The following ABHD18 variants were observed in gnomAD, a reference collection of about 807,000 sequenced individuals.
The protein encoded by ABHD18 is cardiolipin-specific deacylase, mitochondrial.
In ABHD18, 55 loss-of-function variants were observed where a neutral mutation model predicts 65.9. The observed-to-expected ratio is 0.84, with a 90% confidence interval of 0.67 to 1.05. The LOEUF (loss-of-function observed/expected upper bound fraction) is 1.05. Among genes scored for constraint, ABHD18 ranks in the 50% least tolerant of loss-of-function variants. The pLI is 0.00. For missense variants in ABHD18, 533 were observed against 558.5 expected (o/e 0.95, Z 0.46); for synonymous variants, 181 against 180.2 (o/e 1.00, Z -0.04).
At chr4:128,015,065 G>A (rs114564423) in intron 7 of ABHD18, among the ~76,000 whole-genome samples, 109 of 146,526 alleles carry the variant, frequency 7.4e-4, no homozygotes, top group African/African-American at 2.5e-3. Flanking sequence ...TGACAAGCGC[G>A]AAACTCCATC....
chr4:128,018,385 A>G (rs957607934), intron 8 of ABHD18, among the ~76,000 whole-genome samples: 7 of 152,170 alleles, frequency 4.6e-5, no homozygotes, highest in African/African-American at 1.7e-4. Flanking sequence ...TGCTGGGATT[A>G]TAGGTGTGGG....
intron 1 of ABHD18, among the ~76,000 whole-genome samples, chr4:127,976,126 T>C (rs931400200): frequency 4.6e-5 from 7 of 152,172 alleles, no homozygotes; most frequent in Middle Eastern, 3.4e-3. Context: ...CCTGTAATTT[T>C]AATCTAGTGA....
Position 127,982,931 on chromosome 4 carries a change from T to G in ABHD18, c.-17-8T>G. The G allele has an allele frequency of 1.4e-6, 2 of 1,446,154 alleles. No homozygotes were observed. Among genetic ancestry groups the G allele is most frequent in the Non-Finnish European group, 1.9e-6 (2 of 1,080,142 alleles). 89.6% of individuals were successfully genotyped at this position (1,446,154 alleles called of 1,614,324 possible). A position where few individuals can be genotyped will look rare whatever the true frequency, so the allele number is the denominator to read the frequency against. On this transcript the variant is annotated splice_region_variant and splice_polypyrimidine_tract_variant and intron_variant, in intron 1 of 12. Coordinates refer to ENST00000645843, the MANE Select transcript of ABHD18 (RefSeq NM_001358451.3). ...TATTTTAAAGCCATTTTAAATTTTGTTTTATAGATGCTTGTTTGCTACTGA... is the reference window on the plus strand; with the variant it reads ...TATTTTAAAGCCATTTTAAATTTTGGTTTATAGATGCTTGTTTGCTACTGA...
At position 128,020,295 on chromosome 4, in the gene ABHD18, C is replaced by T. The variant is rs112845079; in HGVS notation, c.699+126C>T. ...AGAATTATAGGACTCAGGATATAGTCGTAATCATGATTAAGCCTTAACTAC... is the reference window on the plus strand; with the variant it reads ...AGAATTATAGGACTCAGGATATAGTTGTAATCATGATTAAGCCTTAACTAC... On this transcript the variant is annotated intron_variant, in intron 9 of 12. Transcript: ENST00000645843. 5.5e-4 allele frequency: 363 copies of T among 664,658 alleles called. 3 individuals carry two copies. In the African/African-American group the frequency reaches 5.9e-3, roughly 11 times the overall value. The allele number at this position is 664,658 out of a possible 1,614,324, so 41.2% of individuals were successfully genotyped here.
chr4:127,989,623 G>T lies in ABHD18; in HGVS notation c.178-98G>T, dbSNP rs1750586975. 5.5e-6 allele frequency: 4 copies of T among 724,356 alleles called. No individual in the cohort carries two copies. In the Middle Eastern group the frequency reaches 1.3e-3, roughly 237 times the overall value. 44.9% of individuals were successfully genotyped at this position (724,356 alleles called of 1,614,324 possible). On this transcript the variant is annotated intron_variant, in intron 3 of 12. Transcript: ENST00000645843. ...TTTACATAGTAGGTGCTGAAAACAT[G>T]ATTTTAATTGGATAGAACTTTTTAT...
Position 128,009,138 on chromosome 4 carries a change from G to A in ABHD18, c.389G>A (p.Arg130His), listed in dbSNP as rs762996383. The change falls in exon 6 of 13, where the codon CGT becomes CAT. Residue 130 changes from arginine to histidine, a missense_variant. Coordinates refer to ENST00000645843, the MANE Select transcript of ABHD18 (RefSeq NM_001358451.3). ...HYWRRRTLMA[R>H]PMIKEARMAS... Reference sequence around the variant, plus strand: ...TGGAGGCGACGAACACTAATGGCCCGTCCTATGATTAAAGAAGCCCGAATG... The same window carrying A: ...TGGAGGCGACGAACACTAATGGCCCATCCTATGATTAAAGAAGCCCGAATG... 4.1e-5 allele frequency: 63 copies of A among 1,539,468 alleles called. No individual in the cohort carries two copies. Among genetic ancestry groups the A allele is most frequent in the Middle Eastern group, 1.7e-4 (1 of 5,898 alleles).
chr4:127,984,721 A>G lies in ABHD18; in HGVS notation c.177+298A>G, dbSNP rs1304063789. On this transcript the variant is annotated intron_variant, in intron 3 of 12. Transcript: ENST00000645843. ...AAAAAAAATACAAAATTAGCCGGGC[A>G]TGGTGGCACATGCCTGTAATCCCAG... is the stretch of plus-strand genomic sequence containing the variant. 2.0e-5 allele frequency among the ~76,000 whole-genome samples: 3 copies of G among 152,050 alleles called. No homozygotes were observed. The East Asian group carries it at 5.8e-4, about 29-fold the overall frequency.
intron 12 of ABHD18, chr4:128,031,115 G>A (rs2149195359): frequency 1.0e-6 from 1 of 988,898 alleles, no homozygotes; most frequent in Non-Finnish European, 1.2e-6. Context: ...TGCTTTTAAT[G>A]TGAACAACCT....
chr4:127,981,719 CTG>C (rs887209481), intron 1 of ABHD18, among the ~76,000 whole-genome samples: 1 of 152,044 alleles, frequency 6.6e-6, no homozygotes, highest in African/African-American at 2.4e-5. Flanking sequence ...TATAATAAAA[CTG>C]TATATGCAAT....
intron 7 of ABHD18, among the ~76,000 whole-genome samples, chr4:128,015,950 CTTT>C (rs938616932): frequency 3.1e-5 from 4 of 130,732 alleles, no homozygotes; most frequent in Non-Finnish European, 1.6e-5. Context: ...TATTTAAATA[CTTT>C]TTTTTTTTTT....
chr4:128,013,491 G>A (rs1754932304), intron 7 of ABHD18, among the ~76,000 whole-genome samples: 1 of 152,142 alleles, frequency 6.6e-6, no homozygotes, highest in Admixed American at 6.6e-5. Context: ...ACAAGGTCAG[G>A]AGATTGAGAC....
intron 1 of ABHD18, among the ~76,000 whole-genome samples, chr4:127,973,024 T>G (rs1468934323): frequency 6.6e-6 from 1 of 152,154 alleles, no homozygotes; most frequent in Non-Finnish European, 1.5e-5. Context: ...TCCTTTCTTT[T>G]CTTTTCTTAG....
chr4:128,028,624 T>A lies in ABHD18; in HGVS notation c.951T>A (p.Ser317=), dbSNP rs1757730811. 1.2e-6 allele frequency: 2 copies of A among 1,613,912 alleles called. No individual in the cohort carries two copies. The highest frequency in any genetic ancestry group is 3.3e-5 in the Admixed American group (2 of 60,002). The change falls in exon 11 of 13, where the codon TCT becomes TCA. Residue 317 remains serine (S), a synonymous_variant. Coordinates refer to ENST00000645843, the MANE Select transcript of ABHD18 (RefSeq NM_001358451.3). The part of the protein sequence containing the change: ...VSQKPADCHN[S]SKTSVSATSE... The stretch of plus-strand genomic sequence containing the variant: ...AAAAACCTGCTGACTGCCATAATTC[T>A]AGCAAAACATCTGTCAGTGCGACAT...
intron 12 of ABHD18, among the ~76,000 whole-genome samples, chr4:128,035,334 A>T (rs948233695): frequency 1.3e-5 from 2 of 152,024 alleles, no homozygotes; most frequent in African/African-American, 4.8e-5. Flanking sequence ...AGTTGCATGC[A>T]TCTGAGGCAG....
intron 7 of ABHD18, among the ~76,000 whole-genome samples, chr4:128,013,977 CTTTTTTT>C (rs61303818): frequency 6.9e-5 from 8 of 115,122 alleles, no homozygotes; most frequent in African/African-American, 1.6e-4. Context: ...GAATTTCCAC[CTTTTTTT>C]TTTTTTTTTT....
intron 11 of ABHD18, among the ~76,000 whole-genome samples, chr4:128,030,134 T>C (rs1757996936): frequency 6.6e-6 from 1 of 152,156 alleles, no homozygotes; most frequent in Non-Finnish European, 1.5e-5. Context: ...CCACTGCATT[T>C]CAGCCTGGGC....
intron 4 of ABHD18, chr4:128,001,846 GTTTTT>G (rs35200534): frequency 1.9e-6 from 2 of 1,036,292 alleles, no homozygotes; most frequent in African/African-American, 4.2e-5. Flanking sequence ...GTTTTGTTTT[GTTTTT>G]TTTTTTAATT....
At chr4:128,020,955 A>T (rs1284770193) in intron 9 of ABHD18, among the ~76,000 whole-genome samples, 182 bp from the exon 10 acceptor site, 1 of 151,110 alleles carries the variant, frequency 6.6e-6, no homozygotes, top group Non-Finnish European at 1.5e-5. Flanking sequence ...AATTGCTTGA[A>T]CCCAGAAGGT....
At chr4:127,990,639 T>C (rs1640706204) in intron 4 of ABHD18, among the ~76,000 whole-genome samples, 1 of 152,120 alleles carries the variant, frequency 6.6e-6, no homozygotes, top group South Asian at 2.1e-4. Context: ...AAGAAGTACT[T>C]TTAAGTGAAG....
Sources: allele counts gnomAD v4.1 joint callset (sites outside exome capture counted in the v4.1 genomes callset), GRCh38; gene constraint gnomAD v4.1.1; transcripts MANE v1.5; gene names NCBI Gene and HGNC (gene_info 2026-07-23, HGNC 2026-07-21).